The following BCL11B variants were observed in gnomAD, a reference collection of about 807,000 sequenced individuals.
The protein encoded by BCL11B is BCL11 transcription factor B.
A neutral mutation model predicts 49.9 loss-of-function variants in BCL11B; 8 were observed. The observed-to-expected ratio is 0.16, with a 90% confidence interval of 0.09 to 0.29. The LOEUF (loss-of-function observed/expected upper bound fraction) is 0.29, where lower values mean the gene tolerates loss of function less well. Ranked by LOEUF, BCL11B falls within the 10% of genes least tolerant of loss-of-function variation. The pLI is 1.00. For missense variants in BCL11B, 1,006 were observed against 1,351.0 expected, an observed-to-expected ratio of 0.74 and a Z score of 4.00; for synonymous variants, 739 against 637.4, an observed-to-expected ratio of 1.16 and a Z score of -2.40.
intron 3 of BCL11B, among the ~76,000 whole-genome samples, chr14:99,181,480 G>A (rs766667402): frequency 3.9e-5 from 6 of 152,204 alleles, no homozygotes; most frequent in Non-Finnish European, 7.3e-5. Flanking sequence ...CCCAACCCCT[G>A]AGCAGGGCTC....
At chr14:99,198,688 C>T (rs1566805733) in intron 3 of BCL11B, among the ~76,000 whole-genome samples, 1 of 147,352 alleles carries the variant, frequency 6.8e-6, no homozygotes, top group Non-Finnish European at 1.5e-5. Flanking sequence ...AAACAGAGTG[C>T]ACCTTCCGCA....
chr14:99,260,258 T>C (rs1401705700), intron 1 of BCL11B, among the ~76,000 whole-genome samples: 1 of 152,162 alleles, frequency 6.6e-6, no homozygotes, highest in Non-Finnish European at 1.5e-5. Flanking sequence ...TACCACCCTG[T>C]CCAGGCCTGG....
At chr14:99,181,942 A>T (rs967912592) in intron 3 of BCL11B, among the ~76,000 whole-genome samples, 3 of 152,248 alleles carry the variant, frequency 2.0e-5, no homozygotes. Context: ...CGTAATTATC[A>T]GTGTTATCCC....
intron 3 of BCL11B, among the ~76,000 whole-genome samples, chr14:99,182,487 G>A (rs892360466): frequency 3.9e-5 from 6 of 152,170 alleles, no homozygotes; most frequent in Non-Finnish European, 5.9e-5. Context: ...TTCAGCCCAC[G>A]TACTAACAAA....
chr14:99,272,065 CG>C lies in BCL11B; in HGVS notation c.-848del, dbSNP rs1031068930. Among the ~76,000 whole-genome samples, 16 of 151,846 alleles carry C rather than the reference CG, an allele frequency of 1.1e-4. No individual in the cohort carries two copies. The highest frequency in any genetic ancestry group is 2.4e-4 in the Non-Finnish European group (16 of 67,938). On this transcript the variant is annotated 5_prime_UTR_variant, in exon 1 of 4. Coordinates refer to ENST00000357195, the MANE Select transcript of BCL11B (RefSeq NM_138576.4). This position sits in a 1 kb window ranked among gnomAD's most constrained non-coding sequence, Gnocchi z 6.0. ...CAGCGCTCCCCTGGCGCCGCGGGCC[CG>C]GGGGGAGCGGGGCGGAGGGGCGGCT...
chr14:99,257,124 G>A lies in BCL11B; in HGVS notation c.427+347C>T, dbSNP rs1876880. 0.99 allele frequency among the ~76,000 whole-genome samples: 151,314 copies of A among 152,276 alleles called. 75,183 individuals are homozygous for A. The highest frequency in any genetic ancestry group is 1 in the East Asian group (5,152 of 5,152). On this transcript the variant is annotated intron_variant, in intron 2 of 3. Transcript: ENST00000357195. This position sits in a 1 kb window ranked among gnomAD's most constrained non-coding sequence, Gnocchi z 6.2. ...GACAAACTCTAACCCAAAACTGTCT[G>A]GCTTCAAAATCAGGGACTAAGCCAA...
intron 3 of BCL11B, among the ~76,000 whole-genome samples, chr14:99,209,711 G>A (rs2693692): frequency 0.63 from 95,107 of 151,912 alleles, 30,453 homozygotes; most frequent in Admixed American, 0.7. Flanking sequence ...CCGAGGGTGG[G>A]TGAGAGGTGA....
In BCL11B at chr14:99,173,578, A is replaced by T. The variant is rs867036983; in HGVS notation, c.*573T>A. The T allele has an allele frequency of 1.5e-3, 140 of 93,868 alleles. No homozygotes were observed. Among genetic ancestry groups the T allele is most frequent in the African/African-American group, 4.8e-3 (93 of 19,312 alleles). The allele number at this position is 93,868 out of a possible 1,614,324, so 5.8% of individuals were successfully genotyped here. A position where few individuals can be genotyped will look rare whatever the true frequency, so the allele number is the denominator to read the frequency against. On this transcript the variant is annotated 3_prime_UTR_variant, in exon 4 of 4. Transcript: ENST00000357195. ...CCAAAAAAAAAATTAAAAAATAATT[A>T]AAAAAAAAACTGCATGCCACTTTTT... is the stretch of plus-strand genomic sequence containing the variant.
rs550503452 is a variant in BCL11B at position 99,218,341 on chromosome 14, A to G, written c.640+13004T>C. Reference sequence around the variant, plus strand: ...GTGATCCGCCCGCCTCGGCCTCCCAAAGTGCTGGGATTACAGGCATGAGCC... The same window carrying G: ...GTGATCCGCCCGCCTCGGCCTCCCAGAGTGCTGGGATTACAGGCATGAGCC... On this transcript the variant is annotated intron_variant, in intron 3 of 3. Coordinates refer to ENST00000357195, the MANE Select transcript of BCL11B (RefSeq NM_138576.4). 2.7e-5 allele frequency among the ~76,000 whole-genome samples: 4 copies of G among 150,942 alleles called. No individual in the cohort carries two copies. The South Asian group carries it at 8.4e-4, about 32-fold the overall frequency.
In BCL11B at chr14:99,210,467, T is replaced by C. The variant is rs538022594; in HGVS notation, c.640+20878A>G. Among the ~76,000 whole-genome samples, 95 of 152,244 alleles carry C rather than the reference T, an allele frequency of 6.2e-4. 1 individual carries two copies. In the South Asian group the frequency reaches 0.013, roughly 21 times the overall value. ...GTCTTGACTGCGGAAGTGTGTTTAC[T>C]GAAAAGGTTTTCTCCAGGGAGAAAT... On this transcript the variant is annotated intron_variant, in intron 3 of 3. Transcript: ENST00000357195.
chr14:99,207,759 A>G (rs1887575056), intron 3 of BCL11B, among the ~76,000 whole-genome samples: 1 of 152,162 alleles, frequency 6.6e-6, no homozygotes, highest in Non-Finnish European at 1.5e-5. Flanking sequence ...TGCTGGGCAG[A>G]GTCTGGCCAG....
chr14:99,176,063 G>A lies in BCL11B; in HGVS notation c.773C>T (p.Ser258Leu). The change falls in exon 4 of 4, where the codon TCG becomes TTG. Residue 258 changes from serine (S) to leucine (L), a missense_variant. Physicochemically the swap from Ser to Leu is moderately radical, Grantham distance 145 (BLOSUM62 -2). This residue lies in a region of BCL11B where 411 missense variants were observed against 542.2 expected (regional missense o/e 0.76). Coordinates refer to ENST00000357195, the MANE Select transcript of BCL11B (RefSeq NM_138576.4). ...CGGGATGGTGAGCCGCGGCGTGAGC[G>A]AGCTGCTGGCCGGCCCGGGCTCCAG... ...IYLEPGPASS[S>L]LTPRLTIPPP... The A allele has an allele frequency of 6.2e-7, 1 of 1,603,020 alleles. No homozygotes were observed. The highest frequency in any genetic ancestry group is 8.5e-7 in the Non-Finnish European group (1 of 1,174,674).
At position 99,175,840 on chromosome 14, in the gene BCL11B, G is replaced by A. The variant is rs1406752998; in HGVS notation, c.996C>T (p.Ala332=). 2 of 1,477,828 alleles carry A rather than the reference G, an allele frequency of 1.4e-6. No homozygotes were observed. The highest frequency in any genetic ancestry group is 1.4e-5 in the South Asian group (1 of 70,818). 91.5% of individuals were successfully genotyped at this position (1,477,828 alleles called of 1,614,324 possible). A position where few individuals can be genotyped will look rare whatever the true frequency, so the allele number is the denominator to read the frequency against. ...RHHLDPHRLS[A]EEMGLVAQHP... ...GCTGGGCGACGAGCCCCATCTCCTC[G>A]GCACTGAGGCGGTGCGGGTCCAGGT... is the stretch of plus-strand genomic sequence containing the variant. The change falls in exon 4 of 4, where the codon GCC becomes GCT. Residue 332 remains alanine, a synonymous_variant. Transcript: ENST00000357195.
intron 3 of BCL11B, among the ~76,000 whole-genome samples, chr14:99,208,675 G>A (rs190821751): frequency 2.6e-4 from 40 of 152,336 alleles, no homozygotes; most frequent in African/African-American, 9.4e-4. Flanking sequence ...GGGCAGGCTC[G>A]GGGCAGGGCC....
At chr14:99,265,788 C>T (rs905762259) in intron 1 of BCL11B, among the ~76,000 whole-genome samples, 8 of 152,164 alleles carry the variant, frequency 5.3e-5, no homozygotes, top group Admixed American at 1.3e-4. Context: ...CTCCAGCTGA[C>T]GACAGCGCTA....
At position 99,228,201 on chromosome 14, in the gene BCL11B, C is replaced by T. The variant is rs1888213381; in HGVS notation, c.640+3144G>A. Among the ~76,000 whole-genome samples the T allele has an allele frequency of 6.6e-6, 1 of 152,192 alleles. No homozygotes were observed. The highest frequency in any genetic ancestry group is 6.5e-5 in the Admixed American group (1 of 15,290). Reference sequence around the variant, plus strand: ...GACAAAACCAGGTAAGGACAGCAGGCCCATTCCATCTTTACAAAGGCCTGC... The same window carrying T: ...GACAAAACCAGGTAAGGACAGCAGGTCCATTCCATCTTTACAAAGGCCTGC... On this transcript the variant is annotated intron_variant, in intron 3 of 3. Transcript: ENST00000357195. The surrounding 1 kb of genome is among the most constrained non-coding windows in gnomAD (Gnocchi z 4.8).
rs1889195869 is a variant in BCL11B at position 99,257,362 on chromosome 14, G to A, written c.427+109C>T. On this transcript the variant is annotated intron_variant, in intron 2 of 3. Coordinates refer to ENST00000357195, the MANE Select transcript of BCL11B (RefSeq NM_138576.4). The surrounding 1 kb of genome is among the most constrained non-coding windows in gnomAD (Gnocchi z 6.2). The stretch of plus-strand genomic sequence containing the variant: ...GGGAGCCCCGGCTGGTGGCCCAGAG[G>A]CCATCCTGGAAGCCCCTGGGCCTTC... 2.2e-6 allele frequency: 3 copies of A among 1,390,734 alleles called. No homozygotes were observed. The highest frequency in any genetic ancestry group is 3.3e-5 in the South Asian group (2 of 61,280). The allele number at this position is 1,390,734 out of a possible 1,614,324, so 86.1% of individuals were successfully genotyped here. A position where few individuals can be genotyped will look rare whatever the true frequency, so the allele number is the denominator to read the frequency against.
chr14:99,196,039 CTTCA>C (rs1382197850), intron 3 of BCL11B, among the ~76,000 whole-genome samples: 5 of 152,170 alleles, frequency 3.3e-5, no homozygotes, highest in Non-Finnish European at 7.4e-5. Flanking sequence ...GCTTCCCAGT[CTTCA>C]TTCATGCATC....
At chr14:99,236,218 G>C (rs998767482) in intron 2 of BCL11B, among the ~76,000 whole-genome samples, 3 of 152,162 alleles carry the variant, frequency 2.0e-5, no homozygotes, top group Non-Finnish European at 2.9e-5. Context: ...AAACAAGATA[G>C]GCAGATAACC....
Sources: gnomAD v4.1 joint callset for allele counts (sites outside exome capture counted in the v4.1 genomes callset) on GRCh38, gnomAD v4.1.1 for gene constraint, gnomAD v4.1.1 regional missense constraint, Gnocchi (gnomAD v3.1) non-coding constraint, MANE v1.5 for transcripts, NCBI Gene and HGNC (gene_info 2026-07-23, HGNC 2026-07-21) for gene names.